SMIM7: variants seen among roughly 807,000 people sequenced by gnomAD.
The protein encoded by SMIM7 is UPF0608 protein C19orf42.
In SMIM7, 12 loss-of-function variants were observed where a neutral mutation model predicts 13.3. That is an observed-to-expected ratio of 0.90 (90% confidence interval 0.58 to 1.46). The LOEUF (loss-of-function observed/expected upper bound fraction) is 1.46, where lower values mean the gene tolerates loss of function less well. Ranked by LOEUF, SMIM7 falls within the 40% of genes most tolerant of loss-of-function variation. SMIM7 has a pLI of 0.00. For synonymous variants in SMIM7, 36 were observed against 35.8 expected, an observed-to-expected ratio of 1.01 and a Z score of -0.02; for missense variants, 114 against 94.8, an observed-to-expected ratio of 1.20 and a Z score of -0.84.
At chr19:16,649,662 C>G (rs1026538721) in intron 4 of SMIM7, among the ~76,000 whole-genome samples, 9 of 152,152 alleles carry the variant, frequency 5.9e-5, no homozygotes, top group African/African-American at 2.2e-4. Flanking sequence ...TAAATCTGTA[C>G]AAAAACTTGT....
intron 2 of SMIM7, 85 bp from the exon 3 acceptor site, chr19:16,659,532 A>C: frequency 1.4e-6 from 2 of 1,381,886 alleles, no homozygotes; most frequent in Non-Finnish European, 2.0e-6. Context: ...GGCCACAAAC[A>C]CTAAGTTTCA....
intron 4 of SMIM7, among the ~76,000 whole-genome samples, chr19:16,632,263 C>T (rs1254774742): frequency 6.6e-6 from 1 of 152,080 alleles, no homozygotes; most frequent in Non-Finnish European, 1.5e-5. Context: ...CATAGTTCTG[C>T]TTGGCTTTGC....
At chr19:16,660,050 GCT>G (rs770772975) in intron 1 of SMIM7, 33 bp downstream of exon 1, 1 of 1,614,152 alleles carries the variant, frequency 6.2e-7, no homozygotes, top group Non-Finnish European at 8.5e-7. Flanking sequence ...GTCCTGCCTG[GCT>G]CTCTCTTCCC....
intron 3 of SMIM7, among the ~76,000 whole-genome samples, chr19:16,654,810 T>G (rs1179357696): frequency 6.6e-6 from 1 of 152,220 alleles, no homozygotes; most frequent in Non-Finnish European, 1.5e-5. Flanking sequence ...TTACATATCA[T>G]GTCCTGCTGC....
intron 2 of SMIM7, 121 bp downstream of exon 2, chr19:16,659,838 G>A: frequency 7.5e-7 from 1 of 1,330,238 alleles, no homozygotes; most frequent in Non-Finnish European, 1.0e-6. Flanking sequence ...TGCCCAGAGG[G>A]CGGATAGGGC....
At chr19:16,632,426 C>G (rs1030484384) in intron 4 of SMIM7, among the ~76,000 whole-genome samples, 1 of 152,002 alleles carries the variant, frequency 6.6e-6, no homozygotes. Flanking sequence ...ACGCAAGCCC[C>G]GGAACCTGGT....
chr19:16,637,362 C>A (rs936786395), intron 4 of SMIM7, among the ~76,000 whole-genome samples: 1 of 151,976 alleles, frequency 6.6e-6, no homozygotes, highest in Non-Finnish European at 1.5e-5. Context: ...CAAAAAAATA[C>A]ATTAGCCAGC....
At chr19:16,647,337 T>C in intron 4 of SMIM7, 76 bp from the exon 5 acceptor site, 3 of 1,534,324 alleles carry the variant, frequency 2.0e-6, no homozygotes, top group South Asian at 1.1e-5. Flanking sequence ...GCGATTATTT[T>C]ACATGACTAT....
chr19:16,653,872 G>C, intron 4 of SMIM7, 163 bp downstream of exon 4: 1 of 639,242 alleles, frequency 1.6e-6, no homozygotes, highest in Non-Finnish European at 2.6e-6. Flanking sequence ...TCCAGTTTAG[G>C]CGACAGAGCA....
At chr19:16,655,553 T>C (rs770844238) in intron 3 of SMIM7, among the ~76,000 whole-genome samples, 26 of 151,634 alleles carry the variant, frequency 1.7e-4, no homozygotes, top group Admixed American at 3.3e-4. Flanking sequence ...TGGTGGTGCA[T>C]GACTGTAATC....
chr19:16,653,819 TA>T, intron 4 of SMIM7: 1 of 538,386 alleles, frequency 1.9e-6, no homozygotes, highest in East Asian at 3.2e-5. Context: ...CGCTTAGACC[TA>T]AGAGGCCGAG....
chr19:16,635,899 A>AT (rs1555703285), intron 4 of SMIM7, among the ~76,000 whole-genome samples: 3,373 of 109,152 alleles, frequency 0.031, 76 homozygotes, highest in South Asian at 0.059. Context: ...AAAAAAAAAA[A>AT]ATATATATAT....
chr19:16,658,218 C>T (rs1299491472), intron 3 of SMIM7, among the ~76,000 whole-genome samples: 1 of 152,226 alleles, frequency 6.6e-6, no homozygotes, highest in East Asian at 1.9e-4. Flanking sequence ...TCACCTCTGT[C>T]ACTATCTATT....
At chr19:16,647,596 C>T (rs764590889) in intron 4 of SMIM7, among the ~76,000 whole-genome samples, 2 of 150,846 alleles carry the variant, frequency 1.3e-5, no homozygotes, top group African/African-American at 2.4e-5. Context: ...GCTGCAATTA[C>T]AGGCGCCTGC....
intron 4 of SMIM7, chr19:16,652,808 C>T (rs900967007): frequency 3.2e-6 from 5 of 1,541,530 alleles, no homozygotes; most frequent in Middle Eastern, 1.7e-4. Context: ...GGGAAGCATA[C>T]AGGGATGGAC....
intron 4 of SMIM7, among the ~76,000 whole-genome samples, chr19:16,652,033 G>T (rs1055093254): frequency 2.0e-5 from 3 of 150,632 alleles, no homozygotes; most frequent in African/African-American, 7.3e-5. Flanking sequence ...GAGAATGAGG[G>T]AAGCATGCTG....
exon 5 of SMIM7, chr19:16,631,436 AGAGTCCAT>A (rs1334482995): frequency 6.6e-6 from 1 of 152,118 alleles, no homozygotes; most frequent in Non-Finnish European, 1.5e-5. Flanking sequence ...GAAGTAGTTC[AGAGTCCAT>A]GACTTGCTCT....
At chr19:16,653,670 C>T (rs568537617) in intron 4 of SMIM7, 10 of 223,220 alleles carry the variant, frequency 4.5e-5, no homozygotes, top group East Asian at 3.3e-4. Flanking sequence ...CCAAGGTGGA[C>T]GAATCACAAG....
At chr19:16,652,746 T>G in intron 4 of SMIM7, 1 of 1,458,626 alleles carries the variant, frequency 6.9e-7, no homozygotes, top group Admixed American at 2.6e-5. Context: ...AACCCCACAT[T>G]CGGAGTCTCA....
Sources: gnomAD v4.1 joint callset for allele counts (sites outside exome capture counted in the v4.1 genomes callset) on GRCh38, gnomAD v4.1.1 for gene constraint, MANE v1.5 for transcripts, NCBI Gene and HGNC (gene_info 2026-07-23, HGNC 2026-07-21) for gene names.